The following NARS2 variants were observed in gnomAD, a reference collection of about 807,000 sequenced individuals.
NARS2 encodes asparaginyl-tRNA synthetase 2, mitochondrial, also known as asparaginyl-tRNA synthetase.
NARS2 carries 60 observed loss-of-function variants against 62.9 expected under a neutral mutation model. The ratio of observed to expected loss-of-function variants is 0.95; its 90% CI spans 0.77 to 1.18. The LOEUF (loss-of-function observed/expected upper bound fraction) is 1.18, where lower values mean the gene tolerates loss of function less well. NARS2 is among the 50% of genes most tolerant of loss of function. The probability of loss-of-function intolerance (pLI) is 0.00; values close to 1 mark genes in which losing one functional copy is unlikely to be tolerated. For missense variants in NARS2, 619 were observed against 576.4 expected, an observed-to-expected ratio of 1.07 and a Z score of -0.76; for synonymous variants, 196 against 200.0, an observed-to-expected ratio of 0.98 and a Z score of 0.17.
Position 78,468,641 on chromosome 11 carries a change from T to C in NARS2, c.1026+606A>G, listed in dbSNP as rs528336651. 9.9e-5 allele frequency among the ~76,000 whole-genome samples: 15 copies of C among 152,082 alleles called. No individual in the cohort carries two copies. In the East Asian group the frequency reaches 2.7e-3, roughly 27 times the overall value. ...GGATGGTCTCGATCTCCTGACCTTG[T>C]GATCCACCCGCCTCAGCCTCCCAAA... is the stretch of plus-strand genomic sequence containing the variant. On this transcript the variant is annotated intron_variant, in intron 10 of 13. Transcript: ENST00000281038.
intron 9 of NARS2, among the ~76,000 whole-genome samples, chr11:78,476,545 C>A (rs180852276): frequency 6.6e-6 from 1 of 152,216 alleles, no homozygotes; most frequent in East Asian, 1.9e-4. Context: ...GTCTCAATTT[C>A]ATTCCCAAAT....
At chr11:78,521,170 T>C (rs1156835216) in intron 6 of NARS2, among the ~76,000 whole-genome samples, 8 of 151,498 alleles carry the variant, frequency 5.3e-5, no homozygotes, top group Non-Finnish European at 1.2e-4. Flanking sequence ...CTCTTTCTTT[T>C]TTTTTTTTTT....
intron 11 of NARS2, among the ~76,000 whole-genome samples, chr11:78,460,263 T>C (rs552450440): frequency 1.4e-3 from 193 of 140,838 alleles, no homozygotes; most frequent in African/African-American, 5.3e-3. Flanking sequence ...GACAACATGA[T>C]TGGGTTAATT....
chr11:78,440,212 C>T (rs140357882), intron 13 of NARS2, among the ~76,000 whole-genome samples: 2,178 of 151,666 alleles, frequency 0.014, 46 homozygotes, highest in African/African-American at 0.05. Context: ...TACAGGCACA[C>T]GCCACCATGC....
intron 5 of NARS2, among the ~76,000 whole-genome samples, chr11:78,552,117 T>C (rs551233481): frequency 1.3e-5 from 2 of 152,310 alleles, no homozygotes; most frequent in South Asian, 2.1e-4. Context: ...TACCCAACAG[T>C]TATCTTTTCC....
chr11:78,482,651 A>T (rs1202273731), intron 7 of NARS2, among the ~76,000 whole-genome samples: 1 of 152,214 alleles, frequency 6.6e-6, no homozygotes, highest in African/African-American at 2.4e-5. Context: ...GAAGAAATGG[A>T]TAAATTCCTG....
intron 12 of NARS2, among the ~76,000 whole-genome samples, chr11:78,442,173 T>TA (rs1453185068): frequency 6.6e-6 from 1 of 152,196 alleles, no homozygotes; most frequent in Admixed American, 6.5e-5. Flanking sequence ...ACAGACCAAT[T>TA]AATCTTTCAA....
intron 5 of NARS2, among the ~76,000 whole-genome samples, chr11:78,537,574 A>G (rs1356928821): frequency 1.3e-5 from 2 of 152,234 alleles, no homozygotes; most frequent in Non-Finnish European, 2.9e-5. Flanking sequence ...AGGTGGGAGA[A>G]CTGCTCGAGT....
intron 7 of NARS2, among the ~76,000 whole-genome samples, chr11:78,488,814 T>C (rs1305953690): frequency 6.6e-6 from 1 of 152,162 alleles, no homozygotes; most frequent in Non-Finnish European, 1.5e-5. Flanking sequence ...CAACTGATTT[T>C]TGACAAAGAC....
At chr11:78,462,834 C>T (rs1858449875) in intron 11 of NARS2, among the ~76,000 whole-genome samples, 1 of 152,194 alleles carries the variant, frequency 6.6e-6, no homozygotes, top group Admixed American at 6.5e-5. Flanking sequence ...ACCCTGTATA[C>T]CTGACAGGGA....
chr11:78,506,000 C>T (rs1195558813), intron 6 of NARS2, among the ~76,000 whole-genome samples: 5 of 151,912 alleles, frequency 3.3e-5, no homozygotes, highest in Non-Finnish European at 5.9e-5. Context: ...ACTCTTACAA[C>T]CCAATAATAA....
At chr11:78,499,438 T>C (rs1204150146) in intron 6 of NARS2, among the ~76,000 whole-genome samples, 1 of 151,974 alleles carries the variant, frequency 6.6e-6, no homozygotes, top group East Asian at 1.9e-4. Flanking sequence ...GCTTCCCAAA[T>C]GAATATTTGA....
chr11:78,555,660 T>G (rs910515833), intron 5 of NARS2, among the ~76,000 whole-genome samples: 1 of 152,220 alleles, frequency 6.6e-6, no homozygotes, highest in Non-Finnish European at 1.5e-5. Flanking sequence ...TTTGAATGTT[T>G]TTTTGTGTCT....
intron 1 of NARS2, chr11:78,573,167 A>C (rs1856992225): frequency 6.6e-6 from 1 of 152,250 alleles, no homozygotes; most frequent in South Asian, 2.1e-4. Context: ...AGGACAACAG[A>C]AATCACTGCA....
intron 4 of NARS2, among the ~76,000 whole-genome samples, chr11:78,561,054 C>T (rs1472193971): frequency 6.6e-6 from 1 of 152,096 alleles, no homozygotes; most frequent in Non-Finnish European, 1.5e-5. Context: ...TGGTCAAATG[C>T]CACAAGAAAC....
intron 11 of NARS2, among the ~76,000 whole-genome samples, chr11:78,463,637 G>A (rs566584754): frequency 1.5e-5 from 2 of 134,262 alleles, no homozygotes; most frequent in African/African-American, 5.5e-5. Context: ...AGTGAGCTGA[G>A]ATCACGCCAT....
intron 4 of NARS2, among the ~76,000 whole-genome samples, chr11:78,563,657 C>G (rs868828381): frequency 6.7e-6 from 1 of 148,782 alleles, no homozygotes; most frequent in African/African-American, 2.5e-5. Context: ...ATAGTGAAAC[C>G]CCGTCTCTAC....
intron 6 of NARS2, among the ~76,000 whole-genome samples, chr11:78,513,006 T>G (rs1047082956): frequency 6.6e-6 from 1 of 152,142 alleles, no homozygotes; most frequent in African/African-American, 2.4e-5. Flanking sequence ...TCTCAGTAGT[T>G]TGGGAGGCTG....
intron 6 of NARS2, among the ~76,000 whole-genome samples, chr11:78,524,301 G>A (rs141735544): frequency 1.7e-3 from 263 of 152,114 alleles, no homozygotes; most frequent in African/African-American, 5.9e-3. Context: ...CTGCAGAGTT[G>A]TCAGATCATT....
Sources: allele counts gnomAD v4.1 joint callset (sites outside exome capture counted in the v4.1 genomes callset), GRCh38; gene constraint gnomAD v4.1.1; transcripts MANE v1.5; gene names NCBI Gene and HGNC (gene_info 2026-07-23, HGNC 2026-07-21).